The following ZNF160 variants were observed in gnomAD, a reference collection of about 807,000 sequenced individuals.
The protein encoded by ZNF160 is KRAB zinc finger protein KR18.
ZNF160 carries 9 observed loss-of-function variants against 13.1 expected under a neutral mutation model. The observed-to-expected ratio is 0.69, with a 90% CI of 0.41 to 1.20. ZNF160 has a LOEUF of 1.20. Ranked by LOEUF, ZNF160 falls within the 50% of genes most tolerant of loss-of-function variation. ZNF160 has a pLI of 0.01. For missense variants in ZNF160, 838 were observed against 988.0 expected (o/e 0.85, Z 2.04); for synonymous variants, 293 against 333.2 (o/e 0.88, Z 1.31).
At chr19:53,081,483 G>A (rs12984129) in intron 3 of ZNF160, among the ~76,000 whole-genome samples, 43,130 of 151,850 alleles carry the variant, frequency 0.28, 6,296 homozygotes, top group South Asian at 0.33. Flanking sequence ...AAAAGAAGTC[G>A]TACTATTGGC....
intron 3 of ZNF160, 139 bp downstream of exon 3, chr19:53,086,123 G>C (rs1248055780): frequency 3.0e-6 from 4 of 1,319,018 alleles, no homozygotes; most frequent in Non-Finnish European, 4.3e-6. Flanking sequence ...AACGAGATGA[G>C]AGGGACTGAG....
intron 3 of ZNF160, among the ~76,000 whole-genome samples, chr19:53,076,283 G>T (rs149713361): frequency 6.6e-6 from 1 of 152,352 alleles, no homozygotes; most frequent in East Asian, 1.9e-4. Flanking sequence ...TAGACATTAT[G>T]TTTGACATAC....
At chr19:53,083,830 C>CA (rs1182440219) in intron 3 of ZNF160, among the ~76,000 whole-genome samples, 1 of 152,138 alleles carries the variant, frequency 6.6e-6, no homozygotes, top group African/African-American at 2.4e-5. Flanking sequence ...TTGCTTAGGC[C>CA]AAGGAGGTCA....
At chr19:53,093,281 A>C (rs1345583268) in intron 1 of ZNF160, among the ~76,000 whole-genome samples, 1 of 152,220 alleles carries the variant, frequency 6.6e-6, no homozygotes, top group East Asian at 1.9e-4. Flanking sequence ...CTCTACTAAA[A>C]ATACAAAAAT....
intron 1 of ZNF160, among the ~76,000 whole-genome samples, chr19:53,096,334 T>C (rs2085233461): frequency 6.6e-6 from 1 of 152,098 alleles, no homozygotes; most frequent in Admixed American, 6.5e-5. Flanking sequence ...GGGTGGTCTT[T>C]TTCGTGAGAA....
intron 3 of ZNF160, among the ~76,000 whole-genome samples, chr19:53,082,605 G>A (rs1451101577): frequency 1.3e-5 from 2 of 152,236 alleles, no homozygotes; most frequent in African/African-American, 4.8e-5. Context: ...CAGAGATCAA[G>A]GCTGCAGTCA....
At position 53,068,747 on chromosome 19, in the gene ZNF160, T is replaced by C; in HGVS notation, c.1787A>G (p.Asn596Ser). Reference sequence around the variant, plus strand: ...ATCACTAAAGGCTCTGCCACAGTCATTACACTTGTAAGGTTTTTCTCCAGT... The same window carrying C: ...ATCACTAAAGGCTCTGCCACAGTCACTACACTTGTAAGGTTTTTCTCCAGT... ...VHTGEKPYKC[N>S]DCGRAFSDRS... The change falls in exon 6 of 6, where the codon AAT becomes AGT. Residue 596 changes from asparagine to serine, a missense_variant. Coordinates refer to ENST00000683776, the MANE Select transcript of ZNF160 (RefSeq NM_001322131.2). The C allele has an allele frequency of 6.2e-7, 1 of 1,614,178 alleles. No individual in the cohort carries two copies. The highest frequency in any genetic ancestry group is 8.5e-7 in the Non-Finnish European group (1 of 1,180,030).
chr19:53,100,610 C>CA (rs555414095), intron 1 of ZNF160, among the ~76,000 whole-genome samples: 1 of 145,528 alleles, frequency 6.9e-6, no homozygotes, highest in African/African-American at 2.5e-5. Context: ...ACTCCGTCTC[C>CA]AAAAAAAAAT....
In ZNF160 at chr19:53,086,254, C is replaced by A; in HGVS notation, c.15+8G>T. 6.3e-7 allele frequency: 1 copy of A among 1,587,780 alleles called. No individual in the cohort carries two copies. The highest frequency in any genetic ancestry group is 8.6e-7 in the Non-Finnish European group (1 of 1,167,320). ...TAAAAGAACAATCCACCAGGAGTAT[C>A]ACTTTACCTGAGTAAGGGCCATCCC... On this transcript the variant is annotated splice_region_variant and intron_variant, in intron 3 of 5. Coordinates refer to ENST00000683776, the MANE Select transcript of ZNF160 (RefSeq NM_001322131.2).
chr19:53,098,986 AC>A (rs1361987933), intron 1 of ZNF160, among the ~76,000 whole-genome samples: 1 of 149,288 alleles, frequency 6.7e-6, no homozygotes, highest in Non-Finnish European at 1.5e-5. Context: ...CATCCTCACT[AC>A]CCGCCCTATC....
In ZNF160 at chr19:53,068,588, T is replaced by C; in HGVS notation, c.1946A>G (p.Tyr649Cys). The change falls in exon 6 of 6, where the codon TAC becomes TGC. Residue 649 changes from tyrosine to cysteine, a missense_variant. Tyr to Cys is a radical substitution (Grantham distance 194, BLOSUM62 -2). Around this residue, in one of 3 missense-constraint regions of ZNF160, gnomAD observed 400 missense variants for 538.9 expected, o/e 0.74. Coordinates refer to ENST00000683776, the MANE Select transcript of ZNF160 (RefSeq NM_001322131.2). ...GGCTTTCCCACACTCATTACACTTG[T>C]AAGGTTTCTCTCCAGTATGAATTCG... ...HRRIHTGEKP[Y>C]KCNECGKAFS... 1 of 1,614,174 alleles carries C rather than the reference T, an allele frequency of 6.2e-7. No individual in the cohort carries two copies. The highest frequency in any genetic ancestry group is 2.2e-5 in the East Asian group (1 of 44,876).
intron 3 of ZNF160, among the ~76,000 whole-genome samples, chr19:53,083,308 C>T (rs1204321293): frequency 3.3e-5 from 5 of 152,114 alleles, no homozygotes; most frequent in Admixed American, 1.3e-4. Flanking sequence ...CAACTCAGGC[C>T]CCATCCTGAA....
intron 1 of ZNF160, among the ~76,000 whole-genome samples, 198 bp downstream of exon 1, chr19:53,103,067 G>A (rs2085507019): frequency 6.6e-6 from 1 of 152,170 alleles, no homozygotes; most frequent in Non-Finnish European, 1.5e-5. Context: ...CAGGCGGTGA[G>A]GACTTTAAGC....
intron 1 of ZNF160, among the ~76,000 whole-genome samples, chr19:53,099,665 C>G (rs1012441280): frequency 6.6e-6 from 1 of 152,118 alleles, no homozygotes; most frequent in Non-Finnish European, 1.5e-5. Context: ...AGGACTGAGT[C>G]CCATTTAAAT....
intron 3 of ZNF160, among the ~76,000 whole-genome samples, chr19:53,078,007 T>C (rs1004240121): frequency 4.0e-5 from 6 of 151,854 alleles, no homozygotes; most frequent in Non-Finnish European, 8.8e-5. Flanking sequence ...TTTGGGAGGC[T>C]AAGGCGGGCG....
intron 3 of ZNF160, among the ~76,000 whole-genome samples, chr19:53,083,071 C>T (rs329700): frequency 0.88 from 133,284 of 152,234 alleles, 58,442 homozygotes; most frequent in Middle Eastern, 0.93. Context: ...TTGGAACTTC[C>T]ATGCCCTCCC....
rs1403150416 is a variant in ZNF160, at chr19:53,067,954, C to T, written c.*123G>A. 5.9e-6 allele frequency: 8 copies of T among 1,366,256 alleles called. No individual in the cohort carries two copies. Among genetic ancestry groups the T allele is most frequent in the East Asian group, 4.6e-5 (2 of 43,022 alleles). 84.6% of individuals were successfully genotyped at this position (1,366,256 alleles called of 1,614,324 possible). A position where few individuals can be genotyped will look rare whatever the true frequency, so the allele number is the denominator to read the frequency against. ...ATGATGTCTCTTGCTTATGGCCTCT[C>T]ATATCTATTAATGCTTCAACTCATG... On this transcript the variant is annotated 3_prime_UTR_variant, in exon 6 of 6. Coordinates refer to ENST00000683776, the MANE Select transcript of ZNF160 (RefSeq NM_001322131.2).
intron 5 of ZNF160, among the ~76,000 whole-genome samples, chr19:53,072,649 C>T (rs550507174): frequency 4.0e-4 from 61 of 152,060 alleles, no homozygotes; most frequent in Non-Finnish European, 7.9e-4. Flanking sequence ...GTCGAGAGTT[C>T]GAGACCAGCC....
At position 53,103,393 on chromosome 19, in the gene ZNF160, G is replaced by C. The variant is rs1258850568; in HGVS notation, c.-482C>G. The C allele has an allele frequency of 6.6e-6, 1 of 152,282 alleles. No individual in the cohort carries two copies. The highest frequency in any genetic ancestry group is 1.5e-5 in the Non-Finnish European group (1 of 68,098). The allele number at this position is 152,282 out of a possible 1,614,324, so 9.4% of individuals were successfully genotyped here. ...GAACACTCATACGCCATGGTGTGAT[G>C]CTTGCTCCGCACGATCCACTTCCGG... On this transcript the variant is annotated 5_prime_UTR_variant, in exon 1 of 6. Coordinates refer to ENST00000683776, the MANE Select transcript of ZNF160 (RefSeq NM_001322131.2).
Sources: gnomAD v4.1 joint callset for allele counts (sites outside exome capture counted in the v4.1 genomes callset) on GRCh38, gnomAD v4.1.1 for gene constraint, gnomAD v4.1.1 regional missense constraint, MANE v1.5 for transcripts, NCBI Gene and HGNC (gene_info 2026-07-23, HGNC 2026-07-21) for gene names.